The following PLEKHA5 variants were observed in gnomAD, a reference collection of about 807,000 sequenced individuals.
PLEKHA5 encodes pleckstrin homology domain-containing family A member 5.
A neutral mutation model predicts 181.9 loss-of-function variants in PLEKHA5; 55 were observed. The ratio of observed to expected loss-of-function variants is 0.30; its 90% CI spans 0.24 to 0.38. The LOEUF is 0.38. Ranked by LOEUF, PLEKHA5 falls within the 10% of genes least tolerant of loss-of-function variation. The pLI, the probability that PLEKHA5 is intolerant of heterozygous loss-of-function variation, is 1.00. For synonymous variants in PLEKHA5, 535 were observed against 529.4 expected (o/e 1.01, Z -0.15); for missense variants, 1,432 against 1,549.5 (o/e 0.92, Z 1.27).
chr12:19,152,737 G>A (rs1447668637), intron 3 of PLEKHA5: 1 of 152,136 alleles, frequency 6.6e-6, no homozygotes, highest in Non-Finnish European at 1.5e-5. Flanking sequence ...CACTGCACAT[G>A]ATACTCAGCT....
At chr12:19,270,561 T>A (rs905302490) in intron 10 of PLEKHA5, among the ~76,000 whole-genome samples, 1 of 152,160 alleles carries the variant, frequency 6.6e-6, no homozygotes, top group African/African-American at 2.4e-5. Context: ...GCTGTTAAAA[T>A]TGACCCATGT....
chr12:19,254,633 C>T (rs528390595), intron 4 of PLEKHA5, among the ~76,000 whole-genome samples: 6 of 149,270 alleles, frequency 4.0e-5, no homozygotes, highest in Non-Finnish European at 8.9e-5. Context: ...CCAGCCTGGC[C>T]AACATGGTGA....
chr12:19,301,547 A>G (rs946585855), intron 15 of PLEKHA5, among the ~76,000 whole-genome samples: 1 of 152,216 alleles, frequency 6.6e-6, no homozygotes, highest in Non-Finnish European at 1.5e-5. Flanking sequence ...ATGTAAGTAA[A>G]TTATTTGGAA....
In PLEKHA5 at chr12:19,314,845, T is replaced by C; in HGVS notation, c.2069T>C (p.Val690Ala). Reference sequence around the variant, plus strand: ...GAAAATGAACCTATTATCACCATGGTTCACACAATGATTGAGAACTCGGCG... The same window carrying C: ...GAAAATGAACCTATTATCACCATGGCTCACACAATGATTGAGAACTCGGCG... ...MKENEPIITM[V>A]HTMIENSALR... The change falls in exon 16 of 32, where the codon GTT (valine) becomes GCT (alanine). Residue 690 changes from valine to alanine, a missense_variant. Physicochemically the swap from Val to Ala is moderately conservative, Grantham distance 64. Coordinates refer to ENST00000429027, the MANE Select transcript of PLEKHA5 (RefSeq NM_001256470.2). 1 of 1,548,066 alleles carries C rather than the reference T, an allele frequency of 6.5e-7. No individual in the cohort carries two copies. Among genetic ancestry groups the C allele is most frequent in the Non-Finnish European group, 8.7e-7 (1 of 1,143,792 alleles).
chr12:19,162,488 C>T (rs1386377592), intron 3 of PLEKHA5, among the ~76,000 whole-genome samples: 1 of 151,286 alleles, frequency 6.6e-6, no homozygotes, highest in East Asian at 1.9e-4. Context: ...TTACCTTGTA[C>T]CCTTTAAAAA....
intron 11 of PLEKHA5, among the ~76,000 whole-genome samples, chr12:19,278,789 T>C (rs1409388165): frequency 6.6e-6 from 1 of 151,950 alleles, no homozygotes; most frequent in Non-Finnish European, 1.5e-5. Flanking sequence ...ATAAGAGCAA[T>C]TGGGTACCTT....
rs1166144190 is a variant in PLEKHA5 at position 19,242,452 on chromosome 12, A to G, written c.228-11488A>G. 2.0e-5 allele frequency among the ~76,000 whole-genome samples: 3 copies of G among 151,982 alleles called. No individual in the cohort carries two copies. The East Asian group carries it at 5.8e-4, about 29-fold the overall frequency. ...GACACGGTTTCACCATTTTGGCCAG[A>G]GTGGTCTCAAACTCCTGACCTCAGG... On this transcript the variant is annotated intron_variant, in intron 3 of 31. Coordinates refer to ENST00000429027, the MANE Select transcript of PLEKHA5 (RefSeq NM_001256470.2).
chr12:19,212,775 G>A (rs2057179574), intron 3 of PLEKHA5, among the ~76,000 whole-genome samples: 1 of 151,736 alleles, frequency 6.6e-6, no homozygotes, highest in Non-Finnish European at 1.5e-5. Context: ...CATCTACAGG[G>A]AAGATATCAT....
chr12:19,135,574 A>T, intron 3 of PLEKHA5, among the ~76,000 whole-genome samples: 1 of 151,984 alleles, frequency 6.6e-6, no homozygotes, highest in East Asian at 1.9e-4. Context: ...ACAATCACAG[A>T]TAAGTATGAT....
chr12:19,290,031 C>T (rs1490390087), intron 13 of PLEKHA5, among the ~76,000 whole-genome samples: 1 of 151,964 alleles, frequency 6.6e-6, no homozygotes, highest in African/African-American at 2.4e-5. Context: ...CAAACTCCAC[C>T]TCCTGGATTC....
chr12:19,212,213 A>G (rs2057058307), intron 3 of PLEKHA5, among the ~76,000 whole-genome samples: 1 of 152,206 alleles, frequency 6.6e-6, no homozygotes, highest in Non-Finnish European at 1.5e-5. Flanking sequence ...GCTTGAACCC[A>G]GGAGGTGAAG....
chr12:19,271,709 A>C (rs911634895), intron 10 of PLEKHA5, among the ~76,000 whole-genome samples: 18 of 152,136 alleles, frequency 1.2e-4, no homozygotes, highest in African/African-American at 2.4e-5. Flanking sequence ...ATTACTCGTA[A>C]TTTGGGATGA....
At chr12:19,326,875 A>G (rs2092186197) in intron 20 of PLEKHA5, among the ~76,000 whole-genome samples, 1 of 152,216 alleles carries the variant, frequency 6.6e-6, no homozygotes, top group Non-Finnish European at 1.5e-5. Context: ...GGCTGCATCC[A>G]TGATGCTGCA....
chr12:19,224,672 G>C (rs1477681932), intron 3 of PLEKHA5, among the ~76,000 whole-genome samples: 1 of 152,082 alleles, frequency 6.6e-6, no homozygotes, highest in East Asian at 1.9e-4. Flanking sequence ...ATTTGCTTCA[G>C]TGACTATCTC....
chr12:19,301,076 G>A (rs541899726), intron 15 of PLEKHA5, among the ~76,000 whole-genome samples: 1 of 152,176 alleles, frequency 6.6e-6, no homozygotes, highest in South Asian at 2.1e-4. Flanking sequence ...CTTTTACCCA[G>A]GAGGCGGAGG....
At position 19,353,934 on chromosome 12, in the gene PLEKHA5, C is replaced by T; in HGVS notation, c.3070C>T (p.Pro1024Ser). 2.5e-6 allele frequency: 4 copies of T among 1,611,732 alleles called. No individual in the cohort carries two copies. Among genetic ancestry groups the T allele is most frequent in the Non-Finnish European group, 2.5e-6 (3 of 1,177,960 alleles). The change falls in exon 26 of 32, where the codon CCC (proline) becomes TCC (serine). Residue 1024 changes from proline to serine, a missense_variant. By Grantham distance (74) the Pro-to-Ser change is moderately conservative. Coordinates refer to ENST00000429027, the MANE Select transcript of PLEKHA5 (RefSeq NM_001256470.2). ...CCCTCCAAGAGCAAAATCACCAACACCCGAATCTTCGACAATAGCTTCCTA... is the reference window on the plus strand; with the variant it reads ...CCCTCCAAGAGCAAAATCACCAACATCCGAATCTTCGACAATAGCTTCCTA... The part of the protein sequence containing the change: ...VVPPRAKSPT[P>S]ESSTIASYVT...
chr12:19,337,408 G>T (rs967525099), intron 21 of PLEKHA5, among the ~76,000 whole-genome samples: 2 of 151,516 alleles, frequency 1.3e-5, no homozygotes. Context: ...CAAAAATTAG[G>T]TGTAGTGGCA....
At chr12:19,144,039 G>T (rs2151177546) in intron 3 of PLEKHA5, among the ~76,000 whole-genome samples, 1 of 152,258 alleles carries the variant, frequency 6.6e-6, no homozygotes, top group Non-Finnish European at 1.5e-5. Context: ...AATTTGTGCA[G>T]ATTTATGTTC....
intron 3 of PLEKHA5, among the ~76,000 whole-genome samples, chr12:19,169,647 A>G (rs1302454731): frequency 1.3e-5 from 2 of 152,236 alleles, no homozygotes; most frequent in African/African-American, 4.8e-5. Context: ...GGAAGAACCC[A>G]TACAAGTCTT....
Sources: gnomAD v4.1 joint callset for allele counts (sites outside exome capture counted in the v4.1 genomes callset) on GRCh38, gnomAD v4.1.1 for gene constraint, MANE v1.5 for transcripts, NCBI Gene and HGNC (gene_info 2026-07-23, HGNC 2026-07-21) for gene names.